The following SLC39A14 variants were observed in gnomAD, a reference collection of about 807,000 sequenced individuals.
SLC39A14 encodes the protein metal cation symporter ZIP14.
SLC39A14 carries 19 observed loss-of-function variants against 45.5 expected under a neutral mutation model. The ratio of observed to expected loss-of-function variants is 0.42; its 90% CI spans 0.29 to 0.61. SLC39A14 has a LOEUF of 0.61. SLC39A14 is among the 20% of genes least tolerant of loss of function. The pLI, the probability that SLC39A14 is intolerant of heterozygous loss-of-function variation, is 0.22. For missense variants in SLC39A14, 447 were observed against 616.5 expected (o/e 0.73, Z 2.91); for synonymous variants, 264 against 251.3 (o/e 1.05, Z -0.48).
intron 1 of SLC39A14, among the ~76,000 whole-genome samples, chr8:22,393,656 T>C (rs1834206543): frequency 6.6e-6 from 1 of 152,188 alleles, no homozygotes; most frequent in African/African-American, 2.4e-5. Flanking sequence ...AATGTGTTTT[T>C]TTTAATTGAT....
Position 22,420,186 on chromosome 8 carries a change from C to A in SLC39A14, c.*488C>A. The A allele has an allele frequency of 1.0e-6, 1 of 986,014 alleles. No individual in the cohort carries two copies. The highest frequency in any genetic ancestry group is 1.2e-6 in the Non-Finnish European group (1 of 830,386). 61.1% of individuals were successfully genotyped at this position (986,014 alleles called of 1,614,324 possible). On this transcript the variant is annotated 3_prime_UTR_variant, in exon 9 of 9. Coordinates refer to ENST00000381237, the MANE Select transcript of SLC39A14 (RefSeq NM_001128431.4). Reference sequence around the variant, plus strand: ...AAGAGACAGGAGACAGGAAGCCTTCCCATTTTTTCAAAGTCTGTTTAATTG... The same window carrying A: ...AAGAGACAGGAGACAGGAAGCCTTCACATTTTTTCAAAGTCTGTTTAATTG...
Position 22,420,609 on chromosome 8 carries a change from T to A in SLC39A14, c.*911T>A, listed in dbSNP as rs540308082. The A allele has an allele frequency of 1.0e-6, 1 of 985,378 alleles. No individual in the cohort carries two copies. The highest frequency in any genetic ancestry group is 4.7e-5 in the South Asian group (1 of 21,282). 61.0% of individuals were successfully genotyped at this position (985,378 alleles called of 1,614,324 possible). A position where few individuals can be genotyped will look rare whatever the true frequency, so the allele number is the denominator to read the frequency against. On this transcript the variant is annotated 3_prime_UTR_variant, in exon 9 of 9. Coordinates refer to ENST00000381237, the MANE Select transcript of SLC39A14 (RefSeq NM_001128431.4). ...GAGACCTCTGTGTTAGAGGGGAGAC[T>A]GCACAAACTATCCTCCCCCAGGTTG...
chr8:22,392,172 A>C (rs1554514908), intron 1 of SLC39A14, among the ~76,000 whole-genome samples: 1 of 152,226 alleles, frequency 6.6e-6, no homozygotes, highest in Non-Finnish European at 1.5e-5. Flanking sequence ...ACAGGGAGGC[A>C]ATTGAACAGA....
chr8:22,433,850 T>C (rs969749830), intron 8 of SLC39A14: 4 of 300,130 alleles, frequency 1.3e-5, no homozygotes, highest in African/African-American at 4.5e-5. Flanking sequence ...CGTGAGCCAC[T>C]GCACTCGGCC....
At chr8:22,409,934 G>A (rs1022557522) in intron 3 of SLC39A14, 3 of 1,613,738 alleles carry the variant, frequency 1.9e-6, no homozygotes, top group Middle Eastern at 1.7e-4. Flanking sequence ...GTCTGTTCTT[G>A]TTCCTCCACA....
At chr8:22,409,541 C>G (rs1475098248) in intron 3 of SLC39A14, among the ~76,000 whole-genome samples, 1 of 152,104 alleles carries the variant, frequency 6.6e-6, no homozygotes, top group East Asian at 1.9e-4. Flanking sequence ...CGCCACCACG[C>G]CCAGCTAATT....
chr8:22,416,681 C>A (rs1428479197), intron 7 of SLC39A14, among the ~76,000 whole-genome samples: 1 of 151,870 alleles, frequency 6.6e-6, no homozygotes, highest in Non-Finnish European at 1.5e-5. Flanking sequence ...GTGATCCGCC[C>A]GCCTCAGCCT....
At chr8:22,378,464 C>G (rs574624080) in intron 1 of SLC39A14, among the ~76,000 whole-genome samples, 3 of 152,118 alleles carry the variant, frequency 2.0e-5, no homozygotes, top group Non-Finnish European at 2.9e-5. Context: ...GACTGAGGTC[C>G]CCTGCCCCCT....
chr8:22,417,622 C>G (rs1259106378), intron 7 of SLC39A14, 29 bp from the exon 8 acceptor site: 2 of 1,597,888 alleles, frequency 1.3e-6, no homozygotes, highest in South Asian at 2.2e-5. Context: ...CCTTCCTCGT[C>G]CCTCCCCTTT....
chr8:22,397,513 G>C (rs1360312760), intron 1 of SLC39A14, among the ~76,000 whole-genome samples: 2 of 152,112 alleles, frequency 1.3e-5, no homozygotes, highest in Non-Finnish European at 2.9e-5. Context: ...GGGAGGCGGA[G>C]CTTGCAGTGA....
chr8:22,424,187 C>A (rs1399900295), downstream of SLC39A14, among the ~76,000 whole-genome samples: 3 of 152,258 alleles, frequency 2.0e-5, no homozygotes, highest in East Asian at 3.9e-4. Context: ...ACCCTGTTTT[C>A]TCTTACATAA....
chr8:22,419,714 C>T lies in SLC39A14; in HGVS notation c.*16C>T, dbSNP rs1836115890. 3.8e-6 allele frequency: 6 copies of T among 1,569,638 alleles called. No individual in the cohort carries two copies. Among genetic ancestry groups the T allele is most frequent in the Non-Finnish European group, 5.2e-6 (6 of 1,158,110 alleles). ...GATTGGGTAGGGCTCTGCCAAGAGC[C>T]TGTGGGACTGGAAGTCGGGCCCTGG... On this transcript the variant is annotated 3_prime_UTR_variant, in exon 9 of 9. Coordinates refer to ENST00000381237, the MANE Select transcript of SLC39A14 (RefSeq NM_001128431.4).
chr8:22,400,420 C>G (rs1834790333), intron 1 of SLC39A14, among the ~76,000 whole-genome samples: 1 of 152,214 alleles, frequency 6.6e-6, no homozygotes, highest in South Asian at 2.1e-4. Flanking sequence ...TTTCTAAATA[C>G]AGGCAGACCT....
rs558782075 is a variant in SLC39A14 at position 22,378,293 on chromosome 8, C to T, written c.-16+10885C>T. Among the ~76,000 whole-genome samples the T allele has an allele frequency of 1.2e-4, 19 of 152,264 alleles. 1 individual carries two copies. Among genetic ancestry groups the T allele is most frequent in the South Asian group, 8.3e-4 (4 of 4,828 alleles). On this transcript the variant is annotated intron_variant, in intron 1 of 8. Coordinates refer to ENST00000381237, the MANE Select transcript of SLC39A14 (RefSeq NM_001128431.4). ...ACACTTAGTGGCTTGAAACAACACCCGTTTATCATTTCTCAATTCTGTAGG... is the reference window on the plus strand; with the variant it reads ...ACACTTAGTGGCTTGAAACAACACCTGTTTATCATTTCTCAATTCTGTAGG...
intron 1 of SLC39A14, among the ~76,000 whole-genome samples, chr8:22,382,166 G>T (rs1328942637): frequency 6.6e-6 from 1 of 151,854 alleles, no homozygotes; most frequent in Non-Finnish European, 1.5e-5. Context: ...AAAAAAACAG[G>T]CAAAGAAGAG....
At chr8:22,394,718 A>T (rs1834284069) in intron 1 of SLC39A14, among the ~76,000 whole-genome samples, 1 of 152,084 alleles carries the variant, frequency 6.6e-6, no homozygotes, top group East Asian at 1.9e-4. Context: ...CCATTTCTGT[A>T]TTAATTACAT....
At chr8:22,384,662 G>A (rs1472412523) in intron 1 of SLC39A14, among the ~76,000 whole-genome samples, 1 of 151,006 alleles carries the variant, frequency 6.6e-6, no homozygotes, top group South Asian at 2.1e-4. Context: ...TGGAAGGATC[G>A]CCTGAACCTG....
rs745498826 is a variant in SLC39A14 at position 22,419,538 on chromosome 8, T to C, written c.1333-14T>C. On this transcript the variant is annotated splice_polypyrimidine_tract_variant and intron_variant, in intron 8 of 8. Coordinates refer to ENST00000381237, the MANE Select transcript of SLC39A14 (RefSeq NM_001128431.4). ...AAGGAATTGCAGCTGTGTTGTTTCT[T>C]GCTTCTTTCCCAGTTCCCTGAGATG... 3.7e-6 allele frequency: 6 copies of C among 1,606,722 alleles called. No individual in the cohort carries two copies. In the South Asian group the frequency reaches 4.5e-5, roughly 12 times the overall value.
chr8:22,409,992 T>C (rs376302251), intron 3 of SLC39A14: 3 of 1,614,168 alleles, frequency 1.9e-6, no homozygotes, highest in South Asian at 2.2e-5. Context: ...ACCTGGCCTC[T>C]CTCCTGGGAG....
Sources: allele counts gnomAD v4.1 joint callset (sites outside exome capture counted in the v4.1 genomes callset), GRCh38; gene constraint gnomAD v4.1.1; transcripts MANE v1.5; gene names NCBI Gene and HGNC (gene_info 2026-07-23, HGNC 2026-07-21).